The following KCND3 variants were observed in gnomAD, a reference collection of about 807,000 sequenced individuals.
KCND3 encodes potassium voltage-gated channel subfamily D member 3.
Under a neutral mutation model 51.1 loss-of-function variants are expected in KCND3, and 9 were observed. The ratio of observed to expected loss-of-function variants is 0.18; its 90% CI spans 0.11 to 0.31. KCND3 has a LOEUF of 0.31. KCND3 is among the 10% of genes least tolerant of loss of function. KCND3 has a pLI of 1.00. For missense variants in KCND3, 526 were observed against 903.8 expected (o/e 0.58, Z 5.36); for synonymous variants, 349 against 368.0 (o/e 0.95, Z 0.59).
At chr1:111,806,274 T>A (rs1665567679) in intron 2 of KCND3, among the ~76,000 whole-genome samples, 1 of 152,190 alleles carries the variant, frequency 6.6e-6, no homozygotes, top group South Asian at 2.1e-4. Flanking sequence ...CTGGGGACAC[T>A]CCTGTTGATG....
intron 2 of KCND3, among the ~76,000 whole-genome samples, chr1:111,935,794 C>T (rs1277877554): frequency 6.6e-6 from 1 of 152,148 alleles, no homozygotes; most frequent in African/African-American, 2.4e-5. Flanking sequence ...GTCCTATAGC[C>T]CTGACTGCAG....
Position 111,879,727 on chromosome 1 carries a change from A to G in KCND3, c.1107-92621T>C, listed in dbSNP as rs1383882929. ...CAAGGTTTCCAAGGAGGGTACCACT[A>G]TGAGTGTCTCACTTATCTATTCCAG... On this transcript the variant is annotated intron_variant, in intron 2 of 7. Coordinates refer to ENST00000302127, the MANE Select transcript of KCND3 (RefSeq NM_001378969.1). Among the ~76,000 whole-genome samples, 7 of 152,238 alleles carry G rather than the reference A, an allele frequency of 4.6e-5. No individual in the cohort carries two copies. In the South Asian group the frequency reaches 1.0e-3, roughly 22 times the overall value.
At chr1:111,838,235 T>C (rs1001572658) in intron 2 of KCND3, among the ~76,000 whole-genome samples, 1 of 152,268 alleles carries the variant, frequency 6.6e-6, no homozygotes, top group African/African-American at 2.4e-5. Context: ...TAGATGTCTC[T>C]ACACTTTATT....
chr1:111,959,634 G>C (rs1178928400), intron 2 of KCND3, among the ~76,000 whole-genome samples: 1 of 152,142 alleles, frequency 6.6e-6, no homozygotes, highest in Non-Finnish European at 1.5e-5. Flanking sequence ...CCCCTGCTGG[G>C]GATGGCAGTA....
intron 2 of KCND3, among the ~76,000 whole-genome samples, chr1:111,819,573 C>T (rs1039110879): frequency 1.3e-5 from 2 of 152,172 alleles, no homozygotes; most frequent in Admixed American, 6.5e-5. Context: ...GCTCTGGCCT[C>T]CCCAAAGCCC....
At chr1:111,972,204 G>T (rs1490918258) in intron 2 of KCND3, among the ~76,000 whole-genome samples, 1 of 117,600 alleles carries the variant, frequency 8.5e-6, no homozygotes, top group Admixed American at 1.2e-4. Context: ...ACGGAGTCTC[G>T]CTCTGTTGCC....
At chr1:111,812,187 C>T (rs542629714) in intron 2 of KCND3, among the ~76,000 whole-genome samples, 15 of 152,294 alleles carry the variant, frequency 9.8e-5, no homozygotes, top group Admixed American at 2.6e-4. Context: ...TGATCTTCAC[C>T]GACAGTGATG....
chr1:111,986,707 A>G (rs1675305975), intron 1 of KCND3, among the ~76,000 whole-genome samples: 1 of 152,228 alleles, frequency 6.6e-6, no homozygotes, highest in Non-Finnish European at 1.5e-5. Flanking sequence ...GGTCTCATTG[A>G]GACCTCTTAA....
chr1:111,812,979 C>T (rs1053075856), intron 2 of KCND3, among the ~76,000 whole-genome samples: 2 of 152,182 alleles, frequency 1.3e-5, no homozygotes, highest in African/African-American at 4.8e-5. Flanking sequence ...GCAGGAGCAG[C>T]CAGTTCAGGC....
intron 3 of KCND3, among the ~76,000 whole-genome samples, chr1:111,785,894 C>G (rs912899696): frequency 1.3e-5 from 2 of 152,082 alleles, no homozygotes; most frequent in African/African-American, 4.8e-5. Context: ...CCACATAGTA[C>G]GTGCTCAGTA....
chr1:111,799,544 C>A (rs1006010400), intron 2 of KCND3, among the ~76,000 whole-genome samples: 3 of 152,182 alleles, frequency 2.0e-5, no homozygotes, highest in Admixed American at 1.3e-4. Flanking sequence ...TTCTTGGGAA[C>A]CCTCCTGTTG....
At chr1:111,952,170 G>A (rs952181506) in intron 2 of KCND3, among the ~76,000 whole-genome samples, 6 of 152,166 alleles carry the variant, frequency 3.9e-5, no homozygotes, top group East Asian at 1.9e-4. Context: ...TTAGGGGGTC[G>A]GGAGTCACAT....
At chr1:111,871,200 G>C (rs1668813501) in intron 2 of KCND3, among the ~76,000 whole-genome samples, 1 of 152,190 alleles carries the variant, frequency 6.6e-6, no homozygotes, top group African/African-American at 2.4e-5. Flanking sequence ...ACTTGGTTCT[G>C]TAAGTAGAGA....
At chr1:111,958,937 C>T (rs1056361645) in intron 2 of KCND3, among the ~76,000 whole-genome samples, 1 of 152,180 alleles carries the variant, frequency 6.6e-6, no homozygotes. Context: ...TCCAGCTCTG[C>T]CATTATGCAT....
chr1:111,895,865 G>A (rs1277669264), intron 2 of KCND3, among the ~76,000 whole-genome samples: 5 of 152,242 alleles, frequency 3.3e-5, no homozygotes, highest in South Asian at 2.1e-4. Context: ...AGAGTATGAC[G>A]AGTCCTGTAT....
intron 2 of KCND3, among the ~76,000 whole-genome samples, chr1:111,943,554 T>A (rs930420668): frequency 6.6e-6 from 1 of 152,204 alleles, no homozygotes; most frequent in African/African-American, 2.4e-5. Context: ...CTAAGTCTCC[T>A]GATGTTTCCT....
intron 2 of KCND3, among the ~76,000 whole-genome samples, chr1:111,940,720 C>G (rs1273004707): frequency 1.3e-5 from 2 of 152,230 alleles, no homozygotes; most frequent in African/African-American, 4.8e-5. Context: ...CTCCAACTTG[C>G]TGCACATGAT....
chr1:111,819,742 T>A (rs1202816063), intron 2 of KCND3, among the ~76,000 whole-genome samples: 2 of 152,166 alleles, frequency 1.3e-5, no homozygotes, highest in Non-Finnish European at 2.9e-5. Flanking sequence ...GTGTTAGCCA[T>A]ACGAGGGTCT....
At chr1:111,884,639 G>A (rs1669486912) in intron 2 of KCND3, among the ~76,000 whole-genome samples, 1 of 152,148 alleles carries the variant, frequency 6.6e-6, no homozygotes, top group Admixed American at 6.5e-5. Flanking sequence ...CCCAAATCTG[G>A]GGACTCTCCC....
Sources: gnomAD v4.1 joint callset for allele counts (sites outside exome capture counted in the v4.1 genomes callset) on GRCh38, gnomAD v4.1.1 for gene constraint, MANE v1.5 for transcripts, NCBI Gene and HGNC (gene_info 2026-07-23, HGNC 2026-07-21) for gene names.